TENT4B: variants seen among roughly 807,000 people sequenced by gnomAD.
TENT4B encodes the protein PAP associated domain containing 5.
A neutral mutation model predicts 75.0 loss-of-function variants in TENT4B; 10 were observed. That is an observed-to-expected ratio of 0.13 (90% CI 0.08 to 0.23). The LOEUF is 0.23. Among genes scored for constraint, TENT4B ranks in the 10% least tolerant of loss-of-function variants. The pLI is 1.00. For missense variants in TENT4B, 579 were observed against 893.8 expected, an observed-to-expected ratio of 0.65 and a Z score of 4.49; for synonymous variants, 350 against 357.7, an observed-to-expected ratio of 0.98 and a Z score of 0.24.
Position 50,231,557 on chromosome 16 carries a change from A to G in TENT4B, c.*2229A>G. ...AGTGTTCCAATAAGCATGTGATTAT[A>G]TTAAGGTGGTGGTAGCGGGAAGATA... On this transcript the variant is annotated 3_prime_UTR_variant, in exon 12 of 12. Coordinates refer to ENST00000561678, the MANE Select transcript of TENT4B (RefSeq NM_001365324.3). The G allele has an allele frequency of 2.0e-6, 2 of 985,858 alleles. No individual in the cohort carries two copies. Among genetic ancestry groups the G allele is most frequent in the East Asian group, 1.1e-4 (1 of 8,818 alleles). 61.1% of individuals were successfully genotyped at this position (985,858 alleles called of 1,614,324 possible).
At chr16:50,209,358 T>C (rs1375407670) in intron 1 of TENT4B, among the ~76,000 whole-genome samples, 1 of 152,198 alleles carries the variant, frequency 6.6e-6, no homozygotes, top group Non-Finnish European at 1.5e-5. Context: ...TCCTAACAGC[T>C]ATTCCCATTC....
chr16:50,210,183 G>C (rs1189758810), intron 1 of TENT4B, among the ~76,000 whole-genome samples: 1 of 152,206 alleles, frequency 6.6e-6, no homozygotes, highest in Non-Finnish European at 1.5e-5. Flanking sequence ...CAGTGCTCTA[G>C]GGAAGGTGAG....
chr16:50,153,811 A>AGCAGCACCG lies in TENT4B; in HGVS notation c.196_204dup (p.Thr66_Ser68dup), dbSNP rs1365095039. ...CAGCACGGCCACCGGCGGGAGCGGC[A>AGCAGCACCG]GCAGCACCGGCAGCCCCGGCGGCGC... On this transcript the variant is annotated inframe_insertion, in exon 1 of 12. Coordinates refer to ENST00000561678, the MANE Select transcript of TENT4B (RefSeq NM_001365324.3). 1.6e-6 allele frequency: 2 copies of AGCAGCACCG among 1,221,592 alleles called. No individual in the cohort carries two copies. The highest frequency in any genetic ancestry group is 1.6e-5 in the African/African-American group (1 of 62,944). 75.7% of individuals were successfully genotyped at this position (1,221,592 alleles called of 1,614,324 possible).
rs1252360334 is a variant in TENT4B, at chr16:50,225,087, C to T, written c.1613-11C>T. The T allele has an allele frequency of 6.2e-7, 1 of 1,609,216 alleles. No individual in the cohort carries two copies. Among genetic ancestry groups the T allele is most frequent in the East Asian group, 2.2e-5 (1 of 44,820 alleles). On this transcript the variant is annotated splice_polypyrimidine_tract_variant and intron_variant, in intron 9 of 11. Transcript: ENST00000561678. ...GAAGAAACGTTTTCCAATCTTTTGC[C>T]ACTCTTTCAGGAAATGGTGTTACCT...
intron 1 of TENT4B, among the ~76,000 whole-genome samples, chr16:50,198,650 G>T (rs1375327632): frequency 2.0e-5 from 3 of 151,904 alleles, no homozygotes; most frequent in Non-Finnish European, 4.4e-5. Context: ...TTTGTGGGGA[G>T]GGTGGGAGAG....
intron 1 of TENT4B, among the ~76,000 whole-genome samples, 155 bp downstream of exon 1, chr16:50,154,414 C>A (rs2037847990): frequency 6.6e-6 from 1 of 152,222 alleles, no homozygotes; most frequent in South Asian, 2.1e-4. Context: ...ATCCCCAACC[C>A]CCCAGTCGTT....
At chr16:50,207,870 G>C (rs1030897333) in intron 1 of TENT4B, among the ~76,000 whole-genome samples, 4 of 152,084 alleles carry the variant, frequency 2.6e-5, no homozygotes, top group African/African-American at 9.7e-5. Flanking sequence ...AGCTCGTCAG[G>C]GTATTTTAAG....
chr16:50,198,754 C>T (rs982701712), intron 1 of TENT4B, among the ~76,000 whole-genome samples: 3 of 152,026 alleles, frequency 2.0e-5, no homozygotes, highest in Non-Finnish European at 2.9e-5. Flanking sequence ...GTTTGGAAGA[C>T]GATTGGTTTT....
chr16:50,176,794 A>G (rs768347376), intron 1 of TENT4B, among the ~76,000 whole-genome samples: 12 of 152,080 alleles, frequency 7.9e-5, no homozygotes, highest in Non-Finnish European at 1.5e-4. Context: ...GGAGTGAGCC[A>G]CTGTGCCTGG....
At chr16:50,156,367 G>A (rs890663336) in intron 1 of TENT4B, among the ~76,000 whole-genome samples, 2 of 150,202 alleles carry the variant, frequency 1.3e-5, no homozygotes, top group Admixed American at 6.6e-5. Flanking sequence ...TTTTTGAGAC[G>A]GAGTTTCGCT....
At position 50,230,827 on chromosome 16, in the gene TENT4B, A is replaced by G. The variant is rs769015486; in HGVS notation, c.*1499A>G. ...ATAGAATGTAAGTGACATTTCTGAAAATGCTTTCTTTCAGGGTGAAAGCTC... is the reference window on the plus strand; with the variant it reads ...ATAGAATGTAAGTGACATTTCTGAAGATGCTTTCTTTCAGGGTGAAAGCTC... On this transcript the variant is annotated 3_prime_UTR_variant, in exon 12 of 12. Transcript: ENST00000561678. 1.1e-5 allele frequency: 11 copies of G among 985,526 alleles called. No homozygotes were observed. Among genetic ancestry groups the G allele is most frequent in the Non-Finnish European group, 1.3e-5 (11 of 829,762 alleles). 61.0% of individuals were successfully genotyped at this position (985,526 alleles called of 1,614,324 possible).
intron 1 of TENT4B, among the ~76,000 whole-genome samples, chr16:50,178,405 C>T (rs1350250231): frequency 1.3e-5 from 2 of 151,700 alleles, no homozygotes; most frequent in African/African-American, 4.8e-5. Flanking sequence ...GATCGCACCA[C>T]TGTACTCCAG....
At position 50,235,228 on chromosome 16, in the gene TENT4B, T is replaced by G. The variant is rs1233614460; in HGVS notation, c.*5900T>G. 2 of 177,664 alleles carry G rather than the reference T, an allele frequency of 1.1e-5. No homozygotes were observed. The highest frequency in any genetic ancestry group is 1.3e-4 in the Admixed American group (2 of 15,310). The allele number at this position is 177,664 out of a possible 1,614,324, so 11.0% of individuals were successfully genotyped here. A position where few individuals can be genotyped will look rare whatever the true frequency, so the allele number is the denominator to read the frequency against. Reference sequence around the variant, plus strand: ...TTTATAAATTGCATTTCTATGCACATCGGCCTCTAGTGCTTACCACTCGGT... The same window carrying G: ...TTTATAAATTGCATTTCTATGCACAGCGGCCTCTAGTGCTTACCACTCGGT... On this transcript the variant is annotated 3_prime_UTR_variant, in exon 12 of 12. Coordinates refer to ENST00000561678, the MANE Select transcript of TENT4B (RefSeq NM_001365324.3).
At chr16:50,227,198 T>C (rs2032096323) in intron 10 of TENT4B, among the ~76,000 whole-genome samples, 1 of 152,242 alleles carries the variant, frequency 6.6e-6, no homozygotes, top group South Asian at 2.1e-4. Context: ...TTTTGGTTCC[T>C]AGAGCAGTAT....
At chr16:50,217,503 T>A (rs2150740629) in intron 4 of TENT4B, 53 bp from the exon 5 acceptor site, 1 of 992,596 alleles carries the variant, frequency 1.0e-6, no homozygotes, top group East Asian at 2.9e-5. Context: ...TCCCCTGATT[T>A]TATCATTTAA....
At position 50,231,960 on chromosome 16, in the gene TENT4B, C is replaced by T. The variant is rs553183670; in HGVS notation, c.*2632C>T. On this transcript the variant is annotated 3_prime_UTR_variant, in exon 12 of 12. Transcript: ENST00000561678. The stretch of plus-strand genomic sequence containing the variant: ...TGTCATTTATATATTAGAGTCCATT[C>T]ATATCCATGAATCATAACCTTCCTT... 736 of 982,440 alleles carry T rather than the reference C, an allele frequency of 7.5e-4. 1 individual carries two copies. Among genetic ancestry groups the T allele is most frequent in the Non-Finnish European group, 8.6e-4 (714 of 827,370 alleles). 60.9% of individuals were successfully genotyped at this position (982,440 alleles called of 1,614,324 possible).
At chr16:50,213,231 G>A (rs919747739) in intron 2 of TENT4B, among the ~76,000 whole-genome samples, 3 of 152,140 alleles carry the variant, frequency 2.0e-5, no homozygotes, top group African/African-American at 4.8e-5. Context: ...GCTGATTTTT[G>A]TAATTTTAGT....
chr16:50,184,721 A>C (rs76885641), intron 1 of TENT4B, among the ~76,000 whole-genome samples: 1 of 150,154 alleles, frequency 6.7e-6, no homozygotes, highest in Admixed American at 6.6e-5. Context: ...GTTTTTTTTT[A>C]TTTTGTTTTG....
intron 1 of TENT4B, among the ~76,000 whole-genome samples, chr16:50,199,045 T>C (rs1344231702): frequency 1.3e-5 from 2 of 152,220 alleles, no homozygotes; most frequent in African/African-American, 2.4e-5. Context: ...TGGGGTTGGC[T>C]CCATTCTCTC....
Sources: allele counts gnomAD v4.1 joint callset (sites outside exome capture counted in the v4.1 genomes callset), GRCh38; gene constraint gnomAD v4.1.1; transcripts MANE v1.5; gene names NCBI Gene and HGNC (gene_info 2026-07-23, HGNC 2026-07-21).